FHOD3: variants seen among roughly 807,000 people sequenced by gnomAD.
FHOD3 encodes formin homology 2 domain containing 3, also known as FH1/FH2 domain-containing protein 3.
FHOD3 carries 90 observed loss-of-function variants against 173.0 expected under a neutral mutation model. The observed-to-expected ratio is 0.52, with a 90% confidence interval of 0.44 to 0.62. The LOEUF (loss-of-function observed/expected upper bound fraction) is 0.62, where lower values mean the gene tolerates loss of function less well. FHOD3 is among the 20% of genes least tolerant of loss of function. The probability of loss-of-function intolerance (pLI) is 0.00; values close to 1 mark genes in which losing one functional copy is unlikely to be tolerated. For synonymous variants in FHOD3, 828 were observed against 823.0 expected, an observed-to-expected ratio of 1.01 and a Z score of -0.10; for missense variants, 1,945 against 2,034.7, an observed-to-expected ratio of 0.96 and a Z score of 0.85.
intron 4 of FHOD3, among the ~76,000 whole-genome samples, chr18:36,505,023 C>T (rs1402897868): frequency 1.3e-5 from 2 of 152,214 alleles, no homozygotes. Context: ...TCCACACATG[C>T]CCAGATCCCT....
At chr18:36,773,470 T>C (rs1486716434) in intron 28 of FHOD3, among the ~76,000 whole-genome samples, 2 of 152,204 alleles carry the variant, frequency 1.3e-5, no homozygotes, top group Non-Finnish European at 2.9e-5. Flanking sequence ...GGAATCCATT[T>C]CCATGCTCAG....
At chr18:36,651,776 G>T (rs951682600) in intron 11 of FHOD3, among the ~76,000 whole-genome samples, 1 of 152,034 alleles carries the variant, frequency 6.6e-6, no homozygotes, top group Non-Finnish European at 1.5e-5. Context: ...ATATATTTAA[G>T]GTTTACAAAG....
intron 3 of FHOD3, among the ~76,000 whole-genome samples, chr18:36,482,856 C>CAGAGAG (rs1198142796): frequency 6.4e-4 from 41 of 64,118 alleles, no homozygotes; most frequent in African/African-American, 1.8e-3. Context: ...CTCACACACA[C>CAGAGAG]ACAGAGAGAG....
rs566839878 is a variant in FHOD3, at chr18:36,418,220, A to C, written c.337+45476A>C. On this transcript the variant is annotated intron_variant, in intron 3 of 28. Coordinates refer to ENST00000590592, the MANE Select transcript of FHOD3 (RefSeq NM_001281740.3). ...CATATCCATTTCTGATTAGATTCAGAGTGGTTGTGGTGATCTGAGTATAGA... is the reference window on the plus strand; with the variant it reads ...CATATCCATTTCTGATTAGATTCAGCGTGGTTGTGGTGATCTGAGTATAGA... Among the ~76,000 whole-genome samples, 7 of 152,308 alleles carry C rather than the reference A, an allele frequency of 4.6e-5. No homozygotes were observed. In the East Asian group the frequency reaches 1.4e-3, roughly 29 times the overall value.
At chr18:36,735,553 T>C (rs2041588594) in intron 20 of FHOD3, among the ~76,000 whole-genome samples, 1 of 152,258 alleles carries the variant, frequency 6.6e-6, no homozygotes, top group Admixed American at 6.5e-5. Flanking sequence ...AATCATTTTG[T>C]CTGTGTTTGA....
chr18:36,548,053 G>A (rs899340696), intron 5 of FHOD3, among the ~76,000 whole-genome samples: 1 of 152,120 alleles, frequency 6.6e-6, no homozygotes, highest in African/African-American at 2.4e-5. Flanking sequence ...TTAGTTGGTC[G>A]TGATGGTGCA....
intron 3 of FHOD3, among the ~76,000 whole-genome samples, chr18:36,427,407 C>T (rs751649361): frequency 3.3e-5 from 5 of 151,888 alleles, no homozygotes; most frequent in Non-Finnish European, 5.9e-5. Flanking sequence ...CTCCTACAGG[C>T]GGCCCCTCTC....
intron 19 of FHOD3, among the ~76,000 whole-genome samples, chr18:36,724,443 C>G (rs2040950808): frequency 2.0e-5 from 3 of 152,212 alleles, no homozygotes; most frequent in African/African-American, 7.2e-5. Flanking sequence ...ACAGCTCTTC[C>G]CGAAGCTTTG....
At chr18:36,356,443 T>C (rs1169723124) in intron 2 of FHOD3, among the ~76,000 whole-genome samples, 1 of 152,186 alleles carries the variant, frequency 6.6e-6, no homozygotes, top group Non-Finnish European at 1.5e-5. Flanking sequence ...TTATATTTAT[T>C]AGATTACTGA....
chr18:36,775,534 C>T (rs1207564789), intron 28 of FHOD3, among the ~76,000 whole-genome samples: 1 of 152,152 alleles, frequency 6.6e-6, no homozygotes, highest in Non-Finnish European at 1.5e-5. Context: ...AACAAGAGTT[C>T]CCATCTCACA....
intron 3 of FHOD3, among the ~76,000 whole-genome samples, chr18:36,436,870 C>G (rs1477999849): frequency 3.9e-5 from 6 of 152,066 alleles, no homozygotes; most frequent in Admixed American, 6.5e-5. Context: ...CAAAATTATG[C>G]TAAAACCTCT....
intron 1 of FHOD3, among the ~76,000 whole-genome samples, chr18:36,352,642 G>C (rs2046184536): frequency 6.6e-6 from 1 of 152,012 alleles, no homozygotes; most frequent in Non-Finnish European, 1.5e-5. Flanking sequence ...GAATGACTCA[G>C]ACCTCCTTGA....
At chr18:36,329,213 C>G (rs1482188692) in intron 1 of FHOD3, among the ~76,000 whole-genome samples, 1 of 152,174 alleles carries the variant, frequency 6.6e-6, no homozygotes, top group Non-Finnish European at 1.5e-5. Flanking sequence ...GTGTCCCACC[C>G]CACTGAAACC....
At chr18:36,523,044 G>C (rs557884045) in intron 5 of FHOD3, among the ~76,000 whole-genome samples, 1 of 152,196 alleles carries the variant, frequency 6.6e-6, no homozygotes, top group African/African-American at 2.4e-5. Flanking sequence ...CTTGTTTCTG[G>C]AGCCAGTTCC....
At position 36,669,276 on chromosome 18, in the gene FHOD3, T is replaced by TA. The variant is rs536288707; in HGVS notation, c.1835+11096dup. ...TCTGGTATTAATATAGCCTCAGCTT[T>TA]AAAAAAAATAGTATTAATATGGTAT... On this transcript the variant is annotated intron_variant, in intron 14 of 28. Transcript: ENST00000590592. 3.2e-4 allele frequency among the ~76,000 whole-genome samples: 49 copies of TA among 151,642 alleles called. 1 individual carries two copies. The highest frequency in any genetic ancestry group is 2.7e-3 in the East Asian group (14 of 5,180).
intron 3 of FHOD3, among the ~76,000 whole-genome samples, chr18:36,476,252 G>A (rs982725083): frequency 2.6e-5 from 4 of 152,202 alleles, no homozygotes; most frequent in African/African-American, 9.6e-5. Context: ...GGGTGCTGCT[G>A]TAAGGAGCGT....
At chr18:36,624,586 G>T (rs979486831) in intron 9 of FHOD3, among the ~76,000 whole-genome samples, 4 of 152,104 alleles carry the variant, frequency 2.6e-5, no homozygotes, top group African/African-American at 7.2e-5. Flanking sequence ...AGGTGAGAAA[G>T]CCATGAAGTA....
chr18:36,693,302 C>T lies in FHOD3; in HGVS notation c.2115C>T (p.Asp705=). Residue 705 remains aspartate (D), a synonymous_variant, in exon 17 of 29, where the codon GAC becomes GAT. Transcript: ENST00000590592. ...GGGGCAGAGCCGACCTCTCCTTGGA[C>T]CTGACCTCGCCAGCAGCCCCAGCCT... ...VSRGRADLSL[D]LTSPAAPACL... is the part of the protein sequence containing the mutation. 6.2e-7 allele frequency: 1 copy of T among 1,613,876 alleles called. No homozygotes were observed. Among genetic ancestry groups the T allele is most frequent in the Non-Finnish European group, 8.5e-7 (1 of 1,179,858 alleles).
At chr18:36,656,944 C>G (rs2036468333) in intron 13 of FHOD3, among the ~76,000 whole-genome samples, 1 of 152,148 alleles carries the variant, frequency 6.6e-6, no homozygotes, top group Non-Finnish European at 1.5e-5. Context: ...ATAAATAATG[C>G]TCCAATAAGT....
Sources: gnomAD v4.1 joint callset for allele counts (sites outside exome capture counted in the v4.1 genomes callset) on GRCh38, gnomAD v4.1.1 for gene constraint, MANE v1.5 for transcripts, NCBI Gene and HGNC (gene_info 2026-07-23, HGNC 2026-07-21) for gene names.